The following BAZ2B variants were observed in gnomAD, a reference collection of about 807,000 sequenced individuals.
The protein encoded by BAZ2B is bromodomain adjacent to zinc finger domain protein 2B.
A neutral mutation model predicts 246.0 loss-of-function variants in BAZ2B; 91 were observed. That is an observed-to-expected ratio of 0.37 (90% CI 0.31 to 0.44). BAZ2B has a LOEUF of 0.44. Among genes scored for constraint, BAZ2B ranks in the 20% least tolerant of loss-of-function variants. The probability of loss-of-function intolerance (pLI) is 1.00; values close to 1 mark genes in which losing one functional copy is unlikely to be tolerated. For synonymous variants in BAZ2B, 855 were observed against 860.0 expected, an observed-to-expected ratio of 0.99 and a Z score of 0.10; for missense variants, 2,332 against 2,533.7, an observed-to-expected ratio of 0.92 and a Z score of 1.71.
rs1408161530 is a variant in BAZ2B, at chr2:159,452,928, C to T, written c.334+685G>A. ...CAGCCTGGCCAACATGGCGAAACCC[C>T]GTCTCTACTAAAAATACAAAAATTA... is the stretch of plus-strand genomic sequence containing the variant. On this transcript the variant is annotated intron_variant, in intron 4 of 36. Coordinates refer to ENST00000392783, the MANE Select transcript of BAZ2B (RefSeq NM_013450.4). Among the ~76,000 whole-genome samples, 8 of 152,062 alleles carry T rather than the reference C, an allele frequency of 5.3e-5. No individual in the cohort carries two copies. In the South Asian group the frequency reaches 6.2e-4, roughly 12 times the overall value.
chr2:159,580,691 C>G (rs1159121641), intron 1 of BAZ2B, among the ~76,000 whole-genome samples: 4 of 152,214 alleles, frequency 2.6e-5, no homozygotes, highest in African/African-American at 9.7e-5. Flanking sequence ...GTAACCAAAA[C>G]AGCATGGCTA....
intron 27 of BAZ2B, among the ~76,000 whole-genome samples, chr2:159,362,809 C>G (rs1432999306): frequency 6.6e-6 from 1 of 152,136 alleles, no homozygotes; most frequent in East Asian, 1.9e-4. Context: ...TTCTCCTTAT[C>G]AGCTTAGAGA....
At chr2:159,605,419 G>C (rs1302862709) in intron 1 of BAZ2B, among the ~76,000 whole-genome samples, 1 of 152,108 alleles carries the variant, frequency 6.6e-6, no homozygotes, top group Admixed American at 6.6e-5. Flanking sequence ...TATAAATATA[G>C]AAATAAACAT....
intron 2 of BAZ2B, among the ~76,000 whole-genome samples, chr2:159,493,496 T>A (rs1251250772): frequency 6.6e-6 from 1 of 152,200 alleles, no homozygotes; most frequent in African/African-American, 2.4e-5. Flanking sequence ...AAAGTTTTCT[T>A]CAGAAAGATG....
intron 1 of BAZ2B, among the ~76,000 whole-genome samples, chr2:159,580,069 G>A (rs1006613284): frequency 1.1e-4 from 16 of 152,114 alleles, no homozygotes; most frequent in Non-Finnish European, 2.2e-4. Context: ...TTCTGGCCAG[G>A]GCAATCAGGC....
At chr2:159,351,546 A>C (rs1323401660) in intron 27 of BAZ2B, among the ~76,000 whole-genome samples, 2 of 152,114 alleles carry the variant, frequency 1.3e-5, no homozygotes, top group African/African-American at 4.8e-5. Context: ...CTGTCCTCTA[A>C]AAAGTCTGGA....
chr2:159,423,611 A>G (rs1328960782), intron 13 of BAZ2B, among the ~76,000 whole-genome samples: 2 of 152,230 alleles, frequency 1.3e-5, no homozygotes, highest in Admixed American at 1.3e-4. Flanking sequence ...AAGACATGGA[A>G]TCAACCTATA....
the BAZ2B span, among the ~76,000 whole-genome samples, chr2:159,703,038 C>A: frequency 4.1e-5 from 6 of 146,870 alleles, no homozygotes; most frequent in South Asian, 1.1e-3. Flanking sequence ...AGCAAGACTC[C>A]GTCTCAAAAC....
chr2:159,649,836 T>C, the BAZ2B span, among the ~76,000 whole-genome samples: 1 of 152,206 alleles, frequency 6.6e-6, no homozygotes, highest in African/African-American at 2.4e-5. Flanking sequence ...GCTATATTTA[T>C]AGTTGAATAC....
intron 13 of BAZ2B, among the ~76,000 whole-genome samples, chr2:159,417,045 T>C: frequency 6.6e-6 from 1 of 152,340 alleles, no homozygotes; most frequent in East Asian, 1.9e-4. Context: ...AATTCTTTTT[T>C]CTTGATTTCT....
chr2:159,578,604 C>A (rs1008031531), intron 1 of BAZ2B, among the ~76,000 whole-genome samples: 1 of 152,186 alleles, frequency 6.6e-6, no homozygotes, highest in African/African-American at 2.4e-5. Flanking sequence ...CTCTCCACCC[C>A]AAATCAACAG....
At chr2:159,587,410 C>A (rs1057107706) in intron 1 of BAZ2B, among the ~76,000 whole-genome samples, 1 of 152,152 alleles carries the variant, frequency 6.6e-6, no homozygotes, top group Non-Finnish European at 1.5e-5. Flanking sequence ...CTAAACCTCA[C>A]CTTCCAATGT....
chr2:159,385,393 C>T, intron 22 of BAZ2B, 24 bp from the exon 23 acceptor site: 1 of 1,577,990 alleles, frequency 6.3e-7, no homozygotes, highest in Non-Finnish European at 8.7e-7. Context: ...GCATTTTTAT[C>T]AGTATTACTC....
At chr2:159,436,696 A>G (rs1011797588) in intron 8 of BAZ2B, among the ~76,000 whole-genome samples, 1 of 152,192 alleles carries the variant, frequency 6.6e-6, no homozygotes, top group Non-Finnish European at 1.5e-5. Context: ...GCTTGCAGTG[A>G]GCGGAGATCT....
At chr2:159,462,462 T>TA (rs1342165606) in intron 3 of BAZ2B, 1 of 1,169,568 alleles carries the variant, frequency 8.6e-7, no homozygotes, top group African/African-American at 1.5e-5. Context: ...TTGGTGCGGG[T>TA]AACCGGAAGC....
At chr2:159,615,549 G>C (rs1375004258) in intron 1 of BAZ2B, 1 of 152,264 alleles carries the variant, frequency 6.6e-6, no homozygotes, top group Non-Finnish European at 1.5e-5. Flanking sequence ...GAGAGCTAGA[G>C]GCCCAAGCCG....
chr2:159,701,974 C>T, the BAZ2B span, among the ~76,000 whole-genome samples: 1 of 152,060 alleles, frequency 6.6e-6, no homozygotes, highest in African/African-American at 2.4e-5. Context: ...GGTGATTGCC[C>T]GTCTCAGCCT....
intron 1 of BAZ2B, among the ~76,000 whole-genome samples, chr2:159,604,978 A>C (rs887001265): frequency 6.6e-6 from 1 of 151,620 alleles, no homozygotes; most frequent in African/African-American, 2.4e-5. Context: ...GCTAGGAGAG[A>C]GAGAGAGCCA....
chr2:159,559,841 T>A (rs756866449), intron 1 of BAZ2B, among the ~76,000 whole-genome samples: 1 of 152,228 alleles, frequency 6.6e-6, no homozygotes, highest in Non-Finnish European at 1.5e-5. Flanking sequence ...AAAAGTAATG[T>A]TACATTTTAT....
Sources: allele counts gnomAD v4.1 joint callset (sites outside exome capture counted in the v4.1 genomes callset), GRCh38; gene constraint gnomAD v4.1.1; transcripts MANE v1.5; gene names NCBI Gene and HGNC (gene_info 2026-07-23, HGNC 2026-07-21).